Variants in PITPNA observed in about 807,000 individuals in gnomAD.
PITPNA encodes the protein phosphatidylinositol transfer protein alpha isoform.
Under a neutral mutation model 50.3 loss-of-function variants are expected in PITPNA, and 13 were observed. The observed-to-expected ratio is 0.26, with a 90% CI of 0.17 to 0.41. The LOEUF (loss-of-function observed/expected upper bound fraction) is 0.41, where lower values mean the gene tolerates loss of function less well. Ranked by LOEUF, PITPNA falls within the 10% of genes least tolerant of loss-of-function variation. The pLI, the probability that PITPNA is intolerant of heterozygous loss-of-function variation, is 1.00. For missense variants in PITPNA, 207 were observed against 333.4 expected (o/e 0.62, Z 2.95); for synonymous variants, 120 against 119.6 (o/e 1.00, Z -0.02).
At chr17:1,525,320 G>T (rs148674194) in intron 10 of PITPNA, among the ~76,000 whole-genome samples, 1 of 151,986 alleles carries the variant, frequency 6.6e-6, no homozygotes, top group African/African-American at 2.4e-5. Context: ...TGTTTCAAAT[G>T]TTGTTTATTT....
chr17:1,562,482 C>T lies in PITPNA; in HGVS notation c.20+59G>A. ...CCTGCGTCCCTCGCCGCGCCGTCGC[C>T]CCGGCGGCCGTCCCCACCCTCCCTC... On this transcript the variant is annotated intron_variant, in intron 1 of 11. Coordinates refer to ENST00000313486, the MANE Select transcript of PITPNA (RefSeq NM_006224.4). This position sits in a 1 kb window ranked among gnomAD's most constrained non-coding sequence, Gnocchi z 6.4. 1 of 1,358,972 alleles carries T rather than the reference C, an allele frequency of 7.4e-7. No individual in the cohort carries two copies. Among genetic ancestry groups the T allele is most frequent in the Non-Finnish European group, 9.7e-7 (1 of 1,032,840 alleles). The allele number at this position is 1,358,972 out of a possible 1,614,324, so 84.2% of individuals were successfully genotyped here.
intron 10 of PITPNA, among the ~76,000 whole-genome samples, chr17:1,533,866 G>T (rs1260759542): frequency 6.6e-6 from 1 of 152,126 alleles, no homozygotes; most frequent in Non-Finnish European, 1.5e-5. Context: ...GGCACATACT[G>T]CCATTTTTGT....
Position 1,519,613 on chromosome 17 carries a change from CT to C in PITPNA, c.*947del, listed in dbSNP as rs1288274752. 7 of 152,626 alleles carry C rather than the reference CT, an allele frequency of 4.6e-5. No homozygotes were observed. The highest frequency in any genetic ancestry group is 1.7e-4 in the African/African-American group (7 of 41,436). The allele number at this position is 152,626 out of a possible 1,614,324, so 9.5% of individuals were successfully genotyped here. On this transcript the variant is annotated 3_prime_UTR_variant, in exon 12 of 12. Coordinates refer to ENST00000313486, the MANE Select transcript of PITPNA (RefSeq NM_006224.4). The stretch of plus-strand genomic sequence containing the variant: ...TCAGGACTCTTGCTTCCTAACCAGC[CT>C]CAAAGACAGAGGACAGGGACCTAAG...
At chr17:1,538,462 C>T (rs77637295) in intron 7 of PITPNA, 2 of 164,154 alleles carry the variant, frequency 1.2e-5, no homozygotes, top group Non-Finnish European at 2.6e-5. Context: ...CATTCTGCAT[C>T]CCTCACCTGG....
At chr17:1,535,627 T>C in intron 7 of PITPNA, 109 bp from the exon 8 acceptor site, 2 of 744,568 alleles carry the variant, frequency 2.7e-6, no homozygotes, top group South Asian at 1.5e-5. Context: ...TTGATGCTGA[T>C]GGCACAAAGC....
At chr17:1,556,206 G>A (rs79482921) in intron 2 of PITPNA, among the ~76,000 whole-genome samples, 2 of 152,104 alleles carry the variant, frequency 1.3e-5, no homozygotes, top group Admixed American at 6.6e-5. Flanking sequence ...ACTAAGTTCC[G>A]CTTCGACCCT....
chr17:1,531,438 G>T (rs1165016513), intron 10 of PITPNA, among the ~76,000 whole-genome samples: 1 of 152,176 alleles, frequency 6.6e-6, no homozygotes, highest in Non-Finnish European at 1.5e-5. Context: ...GCTGAGGCAG[G>T]AGAATGGCGT....
chr17:1,522,754 C>T (rs1480896207), intron 10 of PITPNA, among the ~76,000 whole-genome samples: 1 of 152,202 alleles, frequency 6.6e-6, no homozygotes, highest in Non-Finnish European at 1.5e-5. Flanking sequence ...CAGTTCTCTC[C>T]TCAAGGAGCT....
chr17:1,535,209 C>T lies in PITPNA; in HGVS notation c.618G>A (p.Gln206=). The change falls in exon 9 of 12, where the codon CAG becomes CAA. Residue 206 remains glutamine, a synonymous_variant. Coordinates refer to ENST00000313486, the MANE Select transcript of PITPNA (RefSeq NM_006224.4). ...TATGGATGAAGTTCTCCACTTTGTT[C>T]TGCAGGCCCCACCACTTGAACTTGA... The part of the protein sequence containing the change: ...VTVKFKWWGL[Q]NKVENFIHKQ... 1.9e-6 allele frequency: 3 copies of T among 1,613,368 alleles called. No individual in the cohort carries two copies. The highest frequency in any genetic ancestry group is 1.1e-5 in the South Asian group (1 of 91,072).
intron 10 of PITPNA, among the ~76,000 whole-genome samples, chr17:1,533,867 C>T (rs2075598571): frequency 6.6e-6 from 1 of 152,170 alleles, no homozygotes. Context: ...GCACATACTG[C>T]CATTTTTGTC....
chr17:1,540,892 C>T (rs117129781), intron 6 of PITPNA, among the ~76,000 whole-genome samples: 5 of 152,170 alleles, frequency 3.3e-5, no homozygotes, highest in Non-Finnish European at 7.4e-5. Context: ...GTCTAACGGG[C>T]TCTTATGTTG....
chr17:1,524,813 C>G (rs1467784638), intron 10 of PITPNA, among the ~76,000 whole-genome samples: 7 of 151,344 alleles, frequency 4.6e-5, no homozygotes, highest in Admixed American at 2.6e-4. Context: ...GGCACCGCTG[C>G]ACTCCAGCCT....
At chr17:1,532,329 T>C (rs1455532142) in intron 10 of PITPNA, among the ~76,000 whole-genome samples, 1 of 152,136 alleles carries the variant, frequency 6.6e-6, no homozygotes, top group Non-Finnish European at 1.5e-5. Context: ...CCTCGTGATC[T>C]GCCCACCTTA....
At position 1,543,825 on chromosome 17, in the gene PITPNA, A is replaced by T. The variant is rs1000677254; in HGVS notation, c.290-798T>A. ...CAGTAATTCCCCCATACCCAACGAA[A>T]GACACTTAGAAGGAAGCACCAGATT... On this transcript the variant is annotated intron_variant, in intron 4 of 11. Coordinates refer to ENST00000313486, the MANE Select transcript of PITPNA (RefSeq NM_006224.4). 4.6e-5 allele frequency among the ~76,000 whole-genome samples: 7 copies of T among 152,358 alleles called. No homozygotes were observed. The South Asian group carries it at 1.0e-3, about 23-fold the overall frequency.
At chr17:1,526,033 G>T (rs2065712247) in intron 10 of PITPNA, among the ~76,000 whole-genome samples, 1 of 152,134 alleles carries the variant, frequency 6.6e-6, no homozygotes, top group South Asian at 2.1e-4. Flanking sequence ...CCACTATATG[G>T]AAGCAGCGCT....
At chr17:1,555,365 T>C (rs1378238145) in intron 2 of PITPNA, among the ~76,000 whole-genome samples, 1 of 152,220 alleles carries the variant, frequency 6.6e-6, no homozygotes, top group African/African-American at 2.4e-5. Flanking sequence ...AAGACTGGCC[T>C]GCACAAGCTA....
intron 2 of PITPNA, among the ~76,000 whole-genome samples, chr17:1,557,482 G>A (rs984087211): frequency 2.6e-5 from 4 of 152,188 alleles, no homozygotes; most frequent in Non-Finnish European, 5.9e-5. Flanking sequence ...ACCCAAACTC[G>A]AGTTTAACTG....
At chr17:1,559,667 G>T (rs2075758564) in intron 1 of PITPNA, 13 of 575,202 alleles carry the variant, frequency 2.3e-5, no homozygotes, top group Non-Finnish European at 2.6e-5. Flanking sequence ...CAGGCTCCTT[G>T]CTCCAGGCTA....
chr17:1,540,880 C>A (rs561705935), intron 6 of PITPNA, among the ~76,000 whole-genome samples: 1 of 152,094 alleles, frequency 6.6e-6, no homozygotes, highest in Non-Finnish European at 1.5e-5. Context: ...CCACCGCACC[C>A]GGTCTAACGG....
Sources: gnomAD v4.1 joint callset for allele counts (sites outside exome capture counted in the v4.1 genomes callset) on GRCh38, gnomAD v4.1.1 for gene constraint, Gnocchi (gnomAD v3.1) non-coding constraint, MANE v1.5 for transcripts, NCBI Gene and HGNC (gene_info 2026-07-23, HGNC 2026-07-21) for gene names.